TMEM87A: variants seen among roughly 807,000 people sequenced by gnomAD.
TMEM87A encodes transmembrane protein 87A.
Under a neutral mutation model 90.0 loss-of-function variants are expected in TMEM87A, and 50 were observed. The ratio of observed to expected loss-of-function variants is 0.56; its 90% CI spans 0.44 to 0.70. TMEM87A has a LOEUF of 0.70. TMEM87A is among the 30% of genes least tolerant of loss of function. The pLI is 0.00. For synonymous variants in TMEM87A, 226 were observed against 226.7 expected (o/e 1.00, Z 0.03); for missense variants, 577 against 660.5 (o/e 0.87, Z 1.39).
intron 6 of TMEM87A, among the ~76,000 whole-genome samples, chr15:42,245,409 T>C (rs1452837556): frequency 6.6e-6 from 1 of 152,098 alleles, no homozygotes; most frequent in Admixed American, 6.5e-5. Flanking sequence ...TCAATTCTCA[T>C]ATTCCAGGAT....
intron 4 of TMEM87A, among the ~76,000 whole-genome samples, chr15:42,263,065 T>C (rs914661958): frequency 5.3e-5 from 8 of 152,208 alleles, no homozygotes; most frequent in African/African-American, 1.2e-4. Context: ...TTCAGATCTA[T>C]AGAAGTAAAT....
At chr15:42,261,886 G>A (rs1415773317) in intron 4 of TMEM87A, among the ~76,000 whole-genome samples, 1 of 152,084 alleles carries the variant, frequency 6.6e-6, no homozygotes, top group Admixed American at 6.5e-5. Context: ...CGCCCACATC[G>A]GCCTCCCGAA....
chr15:42,220,273 C>T, intron 15 of TMEM87A, 138 bp from the exon 16 acceptor site: 2 of 640,626 alleles, frequency 3.1e-6, no homozygotes, highest in Non-Finnish European at 5.3e-6. Context: ...ATATTTCTTC[C>T]CCTTCAGAAA....
intron 3 of TMEM87A, among the ~76,000 whole-genome samples, chr15:42,266,213 CA>C (rs2051400634): frequency 6.6e-6 from 1 of 152,124 alleles, no homozygotes; most frequent in South Asian, 2.1e-4. Flanking sequence ...GCCGTTGAAC[CA>C]TAGACAAAAC....
At chr15:42,267,169 A>C (rs1595750903) in intron 3 of TMEM87A, among the ~76,000 whole-genome samples, 2 of 152,364 alleles carry the variant, frequency 1.3e-5, no homozygotes, top group East Asian at 3.9e-4. Flanking sequence ...TTTTTAGCTA[A>C]GTGTGAAATG....
intron 3 of TMEM87A, among the ~76,000 whole-genome samples, chr15:42,265,055 T>A (rs548409098): frequency 1.3e-5 from 2 of 152,326 alleles, no homozygotes; most frequent in South Asian, 4.1e-4. Context: ...TGGTTGCATA[T>A]GTATCACATT....
intron 19 of TMEM87A, 112 bp from the exon 20 acceptor site, chr15:42,211,861 T>A: frequency 1.0e-6 from 1 of 996,794 alleles, no homozygotes; most frequent in Non-Finnish European, 1.5e-6. Context: ...TTATGTTAAT[T>A]AAATGTTTAG....
At chr15:42,258,505 C>T (rs573052056) in intron 6 of TMEM87A, 10 of 372,806 alleles carry the variant, frequency 2.7e-5, no homozygotes, top group African/African-American at 1.5e-4. Context: ...CAGCTCACTG[C>T]AGCCTCCACC....
At chr15:42,238,883 C>T (rs184823484) in intron 8 of TMEM87A, among the ~76,000 whole-genome samples, 12 of 149,274 alleles carry the variant, frequency 8.0e-5, no homozygotes, top group Non-Finnish European at 1.6e-4. Context: ...CACAACAAAA[C>T]GGGAAAACTA....
intron 6 of TMEM87A, among the ~76,000 whole-genome samples, chr15:42,255,272 T>C (rs948637466): frequency 3.4e-4 from 52 of 152,316 alleles, no homozygotes; most frequent in African/African-American, 1.3e-3. Flanking sequence ...TAGCTAGGAT[T>C]ACAGGCATGT....
At chr15:42,223,242 G>A (rs1290361692) in intron 15 of TMEM87A, among the ~76,000 whole-genome samples, 2 of 152,004 alleles carry the variant, frequency 1.3e-5, no homozygotes, top group Non-Finnish European at 2.9e-5. Context: ...AAAATACAAA[G>A]ATTAGCCCAG....
At position 42,273,427 on chromosome 15, in the gene TMEM87A, G is replaced by A. The variant is rs1305871278; in HGVS notation, c.-29C>T. On this transcript the variant is annotated 5_prime_UTR_variant, in exon 1 of 20. Transcript: ENST00000389834. ...CACAGCCGTGGAGTGCCTACCGAAA[G>A]CATTTCACCCTCTTCCGGTTCGTCC... The A allele has an allele frequency of 1.5e-5, 24 of 1,612,778 alleles. No individual in the cohort carries two copies. The highest frequency in any genetic ancestry group is 4.0e-5 in the African/African-American group (3 of 74,928).
intron 2 of TMEM87A, among the ~76,000 whole-genome samples, chr15:42,271,803 T>A (rs35736091): frequency 0.016 from 2,470 of 150,734 alleles, 31 homozygotes; most frequent in Non-Finnish European, 0.021. Flanking sequence ...TATATTAATA[T>A]ATACATTATA....
In TMEM87A at chr15:42,248,697, G is replaced by A. The variant is rs904080439; in HGVS notation, c.505-4530C>T. ...GGATTCGGTTTGCAAGTATTTTATT[G>A]AGGATTTTCGCATCGATGTTCATCG... On this transcript the variant is annotated intron_variant, in intron 6 of 19. Transcript: ENST00000389834. Among the ~76,000 whole-genome samples, 4 of 152,256 alleles carry A rather than the reference G, an allele frequency of 2.6e-5. No homozygotes were observed. In the East Asian group the frequency reaches 7.7e-4, roughly 29 times the overall value.
rs1395217609 is a variant in TMEM87A, at chr15:42,226,885, C to T, written c.1324G>A (p.Asp442Asn). 13 of 1,614,050 alleles carry T rather than the reference C, an allele frequency of 8.1e-6. No homozygotes were observed. The highest frequency in any genetic ancestry group is 8.5e-6 in the Non-Finnish European group (10 of 1,180,022). The change falls in exon 15 of 20, where the codon GAT becomes AAT. Residue 442 changes from aspartate (D) to asparagine (N), a missense_variant. Physicochemically the swap from Asp to Asn is conservative, Grantham distance 23. Transcript: ENST00000389834. ...GAGAACAGCAAGCGCCAGATGGCAT[C>T]GTCTACCCACAGCTCCCGCCAGTCC... Reference protein sequence around the residue: ...QSDWRELWVDDAIWRLLFSMI... With the variant: ...QSDWRELWVDNAIWRLLFSMI...
intron 6 of TMEM87A, among the ~76,000 whole-genome samples, chr15:42,246,019 G>C (rs558748640): frequency 6.6e-6 from 1 of 152,224 alleles, no homozygotes; most frequent in Admixed American, 6.5e-5. Flanking sequence ...TTCATCAACC[G>C]AAATGGAGAC....
At chr15:42,227,686 AT>A in intron 14 of TMEM87A, 24 bp downstream of exon 14, 1 of 1,600,444 alleles carries the variant, frequency 6.2e-7, no homozygotes, top group Non-Finnish European at 8.6e-7. Flanking sequence ...ACAGTACATT[AT>A]TCATAAATGT....
chr15:42,241,905 A>T (rs1369761973), intron 7 of TMEM87A, among the ~76,000 whole-genome samples: 6 of 151,988 alleles, frequency 3.9e-5, no homozygotes, highest in Non-Finnish European at 8.8e-5. Context: ...ACAATGTACT[A>T]AAAATACAAA....
chr15:42,239,002 C>T (rs2050825161), intron 8 of TMEM87A, among the ~76,000 whole-genome samples: 1 of 151,602 alleles, frequency 6.6e-6, no homozygotes, highest in Non-Finnish European at 1.5e-5. Flanking sequence ...TGCACACATA[C>T]ACACATACAC....
Sources: gnomAD v4.1 joint callset for allele counts (sites outside exome capture counted in the v4.1 genomes callset) on GRCh38, gnomAD v4.1.1 for gene constraint, MANE v1.5 for transcripts, NCBI Gene and HGNC (gene_info 2026-07-23, HGNC 2026-07-21) for gene names.